Variants in PGBD5 observed in about 807,000 individuals in gnomAD.
PGBD5 encodes piggyBac transposable element derived 5, also known as piggyBac transposable element-derived protein 5.
PGBD5 carries 14 observed loss-of-function variants against 47.9 expected under a neutral mutation model. The ratio of observed to expected loss-of-function variants is 0.29; its 90% CI spans 0.19 to 0.46. The LOEUF (loss-of-function observed/expected upper bound fraction) is 0.46, where lower values mean the gene tolerates loss of function less well. PGBD5 is among the 20% of genes least tolerant of loss of function. The probability of loss-of-function intolerance (pLI) is 1.00; values close to 1 mark genes in which losing one functional copy is unlikely to be tolerated. For synonymous variants in PGBD5, 316 were observed against 306.3 expected (o/e 1.03, Z -0.33); for missense variants, 635 against 716.0 (o/e 0.89, Z 1.29).
At chr1:230,375,814 TTTTTGTTTTG>T (rs372324617) in intron 1 of PGBD5, among the ~76,000 whole-genome samples, 4 of 151,870 alleles carry the variant, frequency 2.6e-5, no homozygotes, top group African/African-American at 7.3e-5. Flanking sequence ...ACAGTTGTTT[TTTTTGTTTTG>T]TTTTGTTTTG....
At chr1:230,367,933 G>A in intron 1 of PGBD5, 12 of 1,362,400 alleles carry the variant, frequency 8.8e-6, no homozygotes, top group Non-Finnish European at 1.2e-5. Flanking sequence ...ACTTGCTCAA[G>A]GTCACGCAAG....
chr1:230,324,651 C>T (rs145166654), intron 6 of PGBD5, among the ~76,000 whole-genome samples: 3 of 152,198 alleles, frequency 2.0e-5, no homozygotes, highest in Admixed American at 1.3e-4. Flanking sequence ...AGGCTCAATC[C>T]CAGTAATTTA....
intron 1 of PGBD5, among the ~76,000 whole-genome samples, chr1:230,397,327 T>G (rs1289904055): frequency 6.6e-6 from 1 of 152,186 alleles, no homozygotes; most frequent in Non-Finnish European, 1.5e-5. Context: ...AATTATGGAA[T>G]TCAAAGTAAA....
chr1:230,350,880 T>G, intron 3 of PGBD5, 78 bp downstream of exon 3: 1 of 1,551,096 alleles, frequency 6.4e-7, no homozygotes, highest in Non-Finnish European at 8.7e-7. Flanking sequence ...TTCTTGGGTA[T>G]CAGATGAGCC....
At chr1:230,368,091 T>C (rs1667869716) in intron 1 of PGBD5, 10 of 1,367,828 alleles carry the variant, frequency 7.3e-6, no homozygotes, top group Admixed American at 1.9e-5. Flanking sequence ...GCTTCTGATT[T>C]TCCACGGATG....
intron 6 of PGBD5, among the ~76,000 whole-genome samples, chr1:230,324,607 A>T (rs1667086985): frequency 6.6e-6 from 1 of 152,160 alleles, no homozygotes; most frequent in Non-Finnish European, 1.5e-5. Flanking sequence ...TCAATATCTG[A>T]TTTTGAGTTA....
At chr1:230,360,063 A>T (rs565988794) in intron 1 of PGBD5, among the ~76,000 whole-genome samples, 15 of 152,360 alleles carry the variant, frequency 9.8e-5, no homozygotes, top group African/African-American at 3.4e-4. Flanking sequence ...GCCGTCAATT[A>T]TTCAAGGATA....
intron 1 of PGBD5, among the ~76,000 whole-genome samples, chr1:230,400,034 A>G (rs1366138061): frequency 6.6e-6 from 1 of 152,132 alleles, no homozygotes; most frequent in Non-Finnish European, 1.5e-5. Flanking sequence ...AAATCCACCA[A>G]AGACTCCTCA....
chr1:230,373,993 T>C (rs1181705744), intron 1 of PGBD5, among the ~76,000 whole-genome samples: 1 of 152,156 alleles, frequency 6.6e-6, no homozygotes, highest in African/African-American at 2.4e-5. Context: ...CAAGTGAGTT[T>C]TATAACAGCA....
chr1:230,351,973 C>T (rs1667565654), intron 2 of PGBD5, among the ~76,000 whole-genome samples: 1 of 152,174 alleles, frequency 6.6e-6, no homozygotes, highest in Admixed American at 6.5e-5. Context: ...GGATAAACTT[C>T]AGGAACGTGC....
Position 230,316,488 on chromosome 1 carries a change from G to A in PGBD5, c.*6937C>T, listed in dbSNP as rs77932220. On this transcript the variant is annotated 3_prime_UTR_variant, in exon 7 of 7. Transcript: ENST00000391860. ...CTTCCATCCCCTGTTCATTCCTTCC[G>A]TGGTCTACCCACTGGGAGGGAGCGC... 30,615 of 152,110 alleles carry A rather than the reference G, an allele frequency of 0.2. 3,369 individuals carry two copies. Among genetic ancestry groups the A allele is most frequent in the East Asian group, 0.47 (2,444 of 5,160 alleles). The allele number at this position is 152,110 out of a possible 1,614,324, so 9.4% of individuals were successfully genotyped here. A position where few individuals can be genotyped will look rare whatever the true frequency, so the allele number is the denominator to read the frequency against.
intron 2 of PGBD5, among the ~76,000 whole-genome samples, chr1:230,353,135 G>A (rs766031420): frequency 1.3e-5 from 2 of 152,078 alleles, no homozygotes; most frequent in Non-Finnish European, 2.9e-5. Flanking sequence ...AATGCAGCAC[G>A]GAACAGCATG....
chr1:230,416,164 C>T (rs1395730398), intron 1 of PGBD5, among the ~76,000 whole-genome samples: 1 of 152,074 alleles, frequency 6.6e-6, no homozygotes, highest in Non-Finnish European at 1.5e-5. Flanking sequence ...TGTAGAAGCT[C>T]AAGACTGTAT....
intron 3 of PGBD5, among the ~76,000 whole-genome samples, chr1:230,337,675 A>G (rs1193520466): frequency 6.6e-6 from 1 of 152,218 alleles, no homozygotes; most frequent in Non-Finnish European, 1.5e-5. Context: ...CCATTTGAAT[A>G]CAGCTTCTTA....
intron 1 of PGBD5, among the ~76,000 whole-genome samples, chr1:230,418,940 A>T (rs1197482605): frequency 1.3e-5 from 2 of 152,236 alleles, no homozygotes. Context: ...CCTCTAGAAC[A>T]CTTAATCATT....
At chr1:230,372,415 T>C (rs1476573206) in intron 1 of PGBD5, among the ~76,000 whole-genome samples, 1 of 152,026 alleles carries the variant, frequency 6.6e-6, no homozygotes, top group Non-Finnish European at 1.5e-5. Flanking sequence ...ACATCAAAAG[T>C]GAAAGCTGTT....
At chr1:230,325,444 T>G (rs1417594052) in intron 5 of PGBD5, 29 bp from the exon 6 acceptor site, 2 of 1,517,416 alleles carry the variant, frequency 1.3e-6, no homozygotes. Flanking sequence ...ATAAGCCCCT[T>G]CCTCAGCACC....
chr1:230,345,937 G>A (rs1667467447), intron 3 of PGBD5, among the ~76,000 whole-genome samples: 1 of 152,184 alleles, frequency 6.6e-6, no homozygotes, highest in Admixed American at 6.5e-5. Context: ...GTACAGGCTG[G>A]TCTCAAACTC....
intron 1 of PGBD5, among the ~76,000 whole-genome samples, chr1:230,365,129 C>A (rs557593636): frequency 2.0e-5 from 3 of 151,140 alleles, no homozygotes; most frequent in Non-Finnish European, 4.4e-5. Context: ...CTGGCTAACA[C>A]GGTGAAACCC....
Sources: gnomAD v4.1 joint callset for allele counts (sites outside exome capture counted in the v4.1 genomes callset) on GRCh38, gnomAD v4.1.1 for gene constraint, MANE v1.5 for transcripts, NCBI Gene and HGNC (gene_info 2026-07-23, HGNC 2026-07-21) for gene names.